Variants in PFKFB3 observed in about 807,000 individuals in gnomAD.
PFKFB3 encodes 6-phosphofructo-2-kinase/fructose-2,6-bisphosphatase 3.
A neutral mutation model predicts 68.0 loss-of-function variants in PFKFB3; 33 were observed. That is an observed-to-expected ratio of 0.49 (90% CI 0.37 to 0.65). PFKFB3 has a LOEUF of 0.65. Among genes scored for constraint, PFKFB3 ranks in the 30% least tolerant of loss-of-function variants. PFKFB3 has a pLI of 0.00. For missense variants in PFKFB3, 586 were observed against 712.2 expected (o/e 0.82, Z 2.02); for synonymous variants, 315 against 288.2 (o/e 1.09, Z -0.94).
the PFKFB3 span, among the ~76,000 whole-genome samples, chr10:6,299,705 G>A: frequency 6.6e-6 from 1 of 152,152 alleles, no homozygotes; most frequent in African/African-American, 2.4e-5. Flanking sequence ...GGCGTCTCCT[G>A]GGCTTAGAAC....
chr10:6,172,273 T>C (rs749419677), intron 1 of PFKFB3, among the ~76,000 whole-genome samples: 17 of 152,176 alleles, frequency 1.1e-4, no homozygotes, highest in Non-Finnish European at 2.5e-4. Flanking sequence ...CATGCTCCTT[T>C]GCAGGAAGGA....
At chr10:6,238,871 C>A (rs1003866821), downstream of PFKFB3, among the ~76,000 whole-genome samples, 1 of 152,162 alleles carries the variant, frequency 6.6e-6, no homozygotes, top group African/African-American at 2.4e-5. Context: ...CCTCCAGCTC[C>A]TTCTATGTCC....
At chr10:6,223,872 C>T (rs1845137516) in intron 11 of PFKFB3, 86 bp from the exon 12 acceptor site, 2 of 1,202,136 alleles carry the variant, frequency 1.7e-6, no homozygotes, top group Non-Finnish European at 2.5e-6. Context: ...CTGCCTCGGC[C>T]TCCCAAAGTG....
chr10:6,274,720 C>T, the PFKFB3 span, among the ~76,000 whole-genome samples: 2 of 151,994 alleles, frequency 1.3e-5, no homozygotes, highest in South Asian at 2.1e-4. Context: ...GCCTATAGTC[C>T]GAGCAACTTG....
At chr10:6,209,141 C>G (rs965481681) in intron 1 of PFKFB3, among the ~76,000 whole-genome samples, 1 of 152,192 alleles carries the variant, frequency 6.6e-6, no homozygotes, top group Non-Finnish European at 1.5e-5. Context: ...AGTTCCGTGC[C>G]TGGGACTTGG....
At chr10:6,300,426 C>G in the PFKFB3 span, among the ~76,000 whole-genome samples, 5 of 152,160 alleles carry the variant, frequency 3.3e-5, no homozygotes, top group East Asian at 1.9e-4. Flanking sequence ...GAGCTCAGCT[C>G]AAGTTCAGTT....
chr10:6,231,868 C>T (rs1845770467), intron 14 of PFKFB3, among the ~76,000 whole-genome samples: 2 of 151,746 alleles, frequency 1.3e-5, no homozygotes, highest in African/African-American at 4.9e-5. Context: ...TCCTGGCGGG[C>T]ACCCATCACC....
chr10:6,297,237 A>G, the PFKFB3 span, among the ~76,000 whole-genome samples: 1 of 152,254 alleles, frequency 6.6e-6, no homozygotes, highest in African/African-American at 2.4e-5. Context: ...CCTGCTATGC[A>G]TCTGCCTTGA....
chr10:6,269,492 A>G, the PFKFB3 span, among the ~76,000 whole-genome samples: 1 of 152,190 alleles, frequency 6.6e-6, no homozygotes, highest in Non-Finnish European at 1.5e-5. Flanking sequence ...GGAGCAACAC[A>G]TACATATATT....
intron 6 of PFKFB3, among the ~76,000 whole-genome samples, chr10:6,218,038 T>C (rs949289448): frequency 2.0e-5 from 3 of 152,220 alleles, no homozygotes; most frequent in Non-Finnish European, 4.4e-5. Context: ...TGAATTCCTG[T>C]TTCAGGAAGG....
chr10:6,317,227 G>A, the PFKFB3 span, among the ~76,000 whole-genome samples: 10 of 152,200 alleles, frequency 6.6e-5, no homozygotes, highest in Admixed American at 2.0e-4. Context: ...AAGGGGCAAT[G>A]GTTGCAATCT....
At chr10:6,284,745 C>T in the PFKFB3 span, among the ~76,000 whole-genome samples, 2 of 152,206 alleles carry the variant, frequency 1.3e-5, no homozygotes, top group Non-Finnish European at 2.9e-5. Flanking sequence ...ATTTCCCTCT[C>T]CTCCATCTCC....
intron 1 of PFKFB3, among the ~76,000 whole-genome samples, chr10:6,206,918 TG>T (rs1396683934): frequency 4.1e-4 from 56 of 137,612 alleles, no homozygotes; most frequent in African/African-American, 1.2e-3. Context: ...TCCCAGACGA[TG>T]GGCGGCCAGG....
chr10:6,153,679 C>T (rs1328013788), intron 1 of PFKFB3, among the ~76,000 whole-genome samples: 1 of 152,144 alleles, frequency 6.6e-6, no homozygotes, highest in African/African-American at 2.4e-5. Context: ...CATGGTGAAA[C>T]CCCTGTCTCT....
rs188885633 is a variant in PFKFB3, at chr10:6,242,821, G to A, written c.1516-11357G>A. Among the ~76,000 whole-genome samples the A allele has an allele frequency of 6.8e-3, 1,032 of 152,278 alleles. 9 individuals are homozygous for A. Among genetic ancestry groups the A allele is most frequent in the Middle Eastern group, 0.041 (12 of 292 alleles). On this transcript the variant is annotated intron_variant, in intron 14 of 14. Coordinates refer to the PFKFB3 transcript ENST00000640683. ...CAGGCTGGTTTCGAACTCTTGACCT[G>A]AGGTGATCCGCCCACCTCGGCCTCT...
chr10:6,223,836 T>G (rs1423580961), intron 11 of PFKFB3, 122 bp from the exon 12 acceptor site: 6 of 814,748 alleles, frequency 7.4e-6, no homozygotes, highest in Non-Finnish European at 1.3e-5. Context: ...AGGCTGGTCT[T>G]GAACTCCTGA....
chr10:6,249,607 T>C (rs1297422514), intron 14 of PFKFB3, among the ~76,000 whole-genome samples: 2 of 152,196 alleles, frequency 1.3e-5, no homozygotes, highest in Admixed American at 1.3e-4. Context: ...AAATACTGCA[T>C]GTCCTCACTT....
chr10:6,288,912 G>A, the PFKFB3 span, among the ~76,000 whole-genome samples: 2 of 151,636 alleles, frequency 1.3e-5, no homozygotes, highest in South Asian at 2.1e-4. Context: ...GGTGTGAGAT[G>A]GTATCTCACT....
the PFKFB3 span, among the ~76,000 whole-genome samples, chr10:6,265,614 GACC>G: frequency 1.3e-5 from 2 of 152,012 alleles, no homozygotes; most frequent in South Asian, 2.1e-4. Flanking sequence ...TAATTATTTT[GACC>G]ACCTGCCCAA....
Sources: allele counts gnomAD v4.1 joint callset (sites outside exome capture counted in the v4.1 genomes callset), GRCh38; gene constraint gnomAD v4.1.1; transcripts MANE v1.5; gene names NCBI Gene and HGNC (gene_info 2026-07-23, HGNC 2026-07-21).